SETD1B: variants seen among roughly 807,000 people sequenced by gnomAD.
SETD1B encodes the protein histone-lysine N-methyltransferase SETD1B.
Under a neutral mutation model 148.0 loss-of-function variants are expected in SETD1B, and 7 were observed. The observed-to-expected ratio is 0.05, with a 90% CI of 0.03 to 0.09. The LOEUF is 0.09. Ranked by LOEUF, SETD1B falls within the 10% of genes least tolerant of loss-of-function variation. The pLI is 1.00. For missense variants in SETD1B, 2,155 were observed against 2,729.9 expected (o/e 0.79, Z 4.69); for synonymous variants, 1,361 against 1,186.5 (o/e 1.15, Z -3.02).
chr12:121,822,394 G>A, intron 11 of SETD1B, 96 bp from the exon 12 acceptor site: 1 of 1,412,010 alleles, frequency 7.1e-7, no homozygotes, highest in Non-Finnish European at 9.4e-7. Flanking sequence ...CTCAGACTCA[G>A]GGCTGTGAGC....
chr12:121,806,271 T>G (rs972853246), intron 4 of SETD1B, among the ~76,000 whole-genome samples, 166 bp downstream of exon 4: 19 of 148,094 alleles, frequency 1.3e-4, no homozygotes, highest in African/African-American at 4.5e-4. Flanking sequence ...TGGAGCTAAA[T>G]GTGTTGTCTG....
intron 7 of SETD1B, among the ~76,000 whole-genome samples, chr12:121,815,398 G>GC (rs11378677): frequency 0.75 from 112,538 of 151,028 alleles, 42,889 homozygotes; most frequent in East Asian, 0.88. Flanking sequence ...GGTGCAGACT[G>GC]CCCCCCCCGC....
Position 121,809,947 on chromosome 12 carries a change from C to T in SETD1B, c.1002C>T (p.Pro334=), listed in dbSNP as rs61736010. 12,878 of 1,551,214 alleles carry T rather than the reference C, an allele frequency of 8.3e-3. 187 individuals are homozygous for T. Among genetic ancestry groups the T allele is most frequent in the Middle Eastern group, 0.036 (214 of 5,992 alleles). Residue 334 remains proline, a synonymous_variant, in exon 6 of 17, where the codon CCC becomes CCT. Transcript: ENST00000604567. The stretch of plus-strand genomic sequence containing the variant: ...AACATCATTATGTACACAATTCTCC[C>T]GCGGTCACTGCGGTGGCCGGGGCCA... ...RHEHHYVHNS[P]AVTAVAGATA... is the part of the protein sequence containing the mutation.
chr12:121,793,431 C>A, the SETD1B span: 1 of 1,525,404 alleles, frequency 6.6e-7, no homozygotes, highest in South Asian at 1.2e-5. Flanking sequence ...GACTGAGGGT[C>A]GGGGCTCTGG....
intron 13 of SETD1B, among the ~76,000 whole-genome samples, chr12:121,825,647 G>A: frequency 6.8e-6 from 1 of 147,732 alleles, no homozygotes; most frequent in South Asian, 2.2e-4. Flanking sequence ...TTTTGCTTGG[G>A]TTTTTTTTTT....
chr12:121,798,284 T>C, the SETD1B span, among the ~76,000 whole-genome samples: 1 of 152,212 alleles, frequency 6.6e-6, no homozygotes, highest in South Asian at 2.1e-4. Flanking sequence ...GGGAAAGGCC[T>C]GCAGCTGGAC....
intron 7 of SETD1B, among the ~76,000 whole-genome samples, chr12:121,815,438 C>T (rs1407581351): frequency 6.6e-6 from 1 of 152,018 alleles, no homozygotes; most frequent in East Asian, 1.9e-4. Context: ...GCTGCGACTC[C>T]CTTTGAACTT....
At chr12:121,791,652 C>T in the SETD1B span, among the ~76,000 whole-genome samples, 1 of 152,248 alleles carries the variant, frequency 6.6e-6, no homozygotes, top group Non-Finnish European at 1.5e-5. Context: ...TCAATCTACT[C>T]TGACATGTTC....
intron 4 of SETD1B, among the ~76,000 whole-genome samples, 182 bp downstream of exon 4, chr12:121,806,287 A>T (rs1875737587): frequency 1.4e-5 from 2 of 148,144 alleles, no homozygotes; most frequent in African/African-American, 5.0e-5. Flanking sequence ...GTCTGTTGCT[A>T]GGAGACAGTC....
Position 121,805,288 on chromosome 12 carries a change from C to A in SETD1B, c.273+72C>A, listed in dbSNP as rs1875675162. The A allele has an allele frequency of 1.6e-6, 2 of 1,258,186 alleles. No homozygotes were observed. Among genetic ancestry groups the A allele is most frequent in the Non-Finnish European group, 2.2e-6 (2 of 894,434 alleles). 77.9% of individuals were successfully genotyped at this position (1,258,186 alleles called of 1,614,324 possible). On this transcript the variant is annotated intron_variant, in intron 3 of 16. Transcript: ENST00000604567. The surrounding 1 kb of genome is among the most constrained non-coding windows in gnomAD (Gnocchi z 4.2). ...AGTTCGAAAATAACGCCAGTCCTGA[C>A]CGAGCCCAGCCGGATTCCCAGTTCC...
At chr12:121,812,120 G>A (rs530866110) in intron 6 of SETD1B, among the ~76,000 whole-genome samples, 13 of 152,144 alleles carry the variant, frequency 8.5e-5, no homozygotes, top group African/African-American at 2.9e-4. Context: ...GCCGAGTGCC[G>A]GGAAGCTCCG....
chr12:121,792,999 G>T, the SETD1B span, among the ~76,000 whole-genome samples: 2 of 152,228 alleles, frequency 1.3e-5, no homozygotes. Flanking sequence ...CTAGGGCCCC[G>T]CAGCCAGCGC....
At chr12:121,799,676 T>A (rs978270239), upstream of SETD1B, 1 of 132,388 alleles carries the variant, frequency 7.6e-6, no homozygotes. Flanking sequence ...CGGGGATGGA[T>A]GGCCCCGGCG....
rs374027175 is a variant in SETD1B, at chr12:121,810,798, T to G, written c.1853T>G (p.Val618Gly). Residue 618 changes from valine (V) to glycine (G), a missense_variant, in exon 6 of 17, where the codon GTT (valine) becomes GGT (glycine). This residue lies in a region of SETD1B where 295 missense variants were observed against 303.8 expected (regional missense o/e 0.97). Coordinates refer to ENST00000604567, the MANE Select transcript of SETD1B (RefSeq NM_001353345.2). This position sits in a 1 kb window ranked among gnomAD's most constrained non-coding sequence, Gnocchi z 7.6. Reference protein sequence around the residue: ...SQTAEVALDLVGDRTPTSEKM... With the variant: ...SQTAEVALDLGGDRTPTSEKM... The stretch of plus-strand genomic sequence containing the variant: ...ACAGCTGAGGTGGCCTTGGACCTGG[T>G]TGGAGACAGAACCCCGACCTCAGAG... 5.6e-5 allele frequency: 86 copies of G among 1,532,022 alleles called. No individual in the cohort carries two copies. Among genetic ancestry groups the G allele is most frequent in the Non-Finnish European group, 7.5e-5 (85 of 1,134,250 alleles). 94.9% of individuals were successfully genotyped at this position (1,532,022 alleles called of 1,614,324 possible).
chr12:121,809,864 A>T lies in SETD1B; in HGVS notation c.919A>T (p.Thr307Ser). The T allele has an allele frequency of 6.4e-7, 1 of 1,551,196 alleles. No homozygotes were observed. Among genetic ancestry groups the T allele is most frequent in the Non-Finnish European group, 8.7e-7 (1 of 1,146,946 alleles). ...CCTCTTCAGCCAGGACCCTGCAGTG[A>T]CCTTCAAGGCCCGGCGCCACGAGAG... The part of the protein sequence containing the change: ...SYLFSQDPAV[T>S]FKARRHESKF... Residue 307 changes from threonine (T) to serine (S), a missense_variant, in exon 6 of 17, where the codon ACC (threonine) becomes TCC (serine). Coordinates refer to ENST00000604567, the MANE Select transcript of SETD1B (RefSeq NM_001353345.2).
Position 121,808,143 on chromosome 12 carries a change from A to T in SETD1B, c.545-65A>T, listed in dbSNP as rs1277024392. 2.2e-5 allele frequency: 29 copies of T among 1,317,786 alleles called. No individual in the cohort carries two copies. The highest frequency in any genetic ancestry group is 3.1e-5 in the Non-Finnish European group (29 of 944,450). 81.6% of individuals were successfully genotyped at this position (1,317,786 alleles called of 1,614,324 possible). On this transcript the variant is annotated intron_variant, in intron 4 of 16. Coordinates refer to ENST00000604567, the MANE Select transcript of SETD1B (RefSeq NM_001353345.2). This position sits in a 1 kb window ranked among gnomAD's most constrained non-coding sequence, Gnocchi z 5.3. The stretch of plus-strand genomic sequence containing the variant: ...CCCACCAGGGTGCCACACAGGTTGG[A>T]ATCCTTGTGGGGGCTGCCCCATCCT...
At chr12:121,819,280 C>A in intron 10 of SETD1B, 124 bp from the exon 11 acceptor site, 1 of 1,484,902 alleles carries the variant, frequency 6.7e-7, no homozygotes, top group Non-Finnish European at 8.9e-7. Flanking sequence ...ACATGCCCCA[C>A]ACACATATCT....
rs776834845 is a variant in SETD1B at position 121,806,113 on chromosome 12, TGGCAGGGGAGGAGCGTGG to T, written c.544+11_544+28del. On this transcript the variant is annotated intron_variant, in intron 4 of 16. Coordinates refer to ENST00000604567, the MANE Select transcript of SETD1B (RefSeq NM_001353345.2). Reference sequence around the variant, plus strand: ...TGGAGCTGGACACCAAAGGTGAGCCTGGCAGGGGAGGAGCGTGGGGAGACCTGTCAGCCCGACCCTTTC... The same window carrying T: ...TGGAGCTGGACACCAAAGGTGAGCCTGGAGACCTGTCAGCCCGACCCTTTC... 53 of 1,550,304 alleles carry T rather than the reference TGGCAGGGGAGGAGCGTGG, an allele frequency of 3.4e-5. No individual in the cohort carries two copies. The East Asian group carries it at 1.2e-3, about 35-fold the overall frequency.
At chr12:121,825,055 C>T (rs1876773662) in intron 12 of SETD1B, 145 bp from the exon 13 acceptor site, 7 of 748,118 alleles carry the variant, frequency 9.4e-6, no homozygotes, top group Non-Finnish European at 1.5e-5. Context: ...GGTCAGCGGG[C>T]AGCCACGTGG....
Sources: gnomAD v4.1 joint callset for allele counts (sites outside exome capture counted in the v4.1 genomes callset) on GRCh38, gnomAD v4.1.1 for gene constraint, gnomAD v4.1.1 regional missense constraint, Gnocchi (gnomAD v3.1) non-coding constraint, MANE v1.5 for transcripts, NCBI Gene and HGNC (gene_info 2026-07-23, HGNC 2026-07-21) for gene names.